FAT4: variants seen among roughly 807,000 people sequenced by gnomAD.
FAT4 encodes FAT atypical cadherin 4.
FAT4 carries 84 observed loss-of-function variants against 303.9 expected under a neutral mutation model. The observed-to-expected ratio is 0.28, with a 90% CI of 0.23 to 0.33. FAT4 has a LOEUF of 0.33. FAT4 is among the 10% of genes least tolerant of loss of function. The probability of loss-of-function intolerance (pLI) is 1.00; values close to 1 mark genes in which losing one functional copy is unlikely to be tolerated. For synonymous variants in FAT4, 2,307 were observed against 2,298.8 expected (o/e 1.00, Z -0.10); for missense variants, 6,005 against 6,146.8 (o/e 0.98, Z 0.77).
At chr4:125,413,357 T>A (rs1237599338) in intron 5 of FAT4, among the ~76,000 whole-genome samples, 1 of 151,860 alleles carries the variant, frequency 6.6e-6, no homozygotes, top group Non-Finnish European at 1.5e-5. Context: ...GACTCCTAAG[T>A]ATTCTGAACT....
chr4:125,449,226 C>T lies in FAT4; in HGVS notation c.8216C>T (p.Ser2739Phe). The T allele has an allele frequency of 6.2e-7, 1 of 1,613,892 alleles. No individual in the cohort carries two copies. The highest frequency in any genetic ancestry group is 8.5e-7 in the Non-Finnish European group (1 of 1,179,878). ...SVRPLDREKVSHYVLTIKSSD... is the reference protein window; with the variant it reads ...SVRPLDREKVFHYVLTIKSSD... The stretch of plus-strand genomic sequence containing the variant: ...AGACCTTTGGACAGGGAAAAAGTAT[C>T]TCATTATGTCCTAACCATAAAATCA... The change falls in exon 10 of 18, where the codon TCT becomes TTT. Residue 2739 changes from serine (S) to phenylalanine (F), a missense_variant. Physicochemically the swap from Ser to Phe is radical, Grantham distance 155. Coordinates refer to ENST00000394329, the MANE Select transcript of FAT4 (RefSeq NM_001291303.3).
intron 2 of FAT4, among the ~76,000 whole-genome samples, chr4:125,324,109 G>T (rs532010240): frequency 1.3e-5 from 2 of 152,232 alleles, no homozygotes; most frequent in South Asian, 4.1e-4. Context: ...GTCATTGAAA[G>T]ATTGTGTTTG....
At chr4:125,443,034 T>C (rs980393528) in intron 8 of FAT4, among the ~76,000 whole-genome samples, 1 of 152,132 alleles carries the variant, frequency 6.6e-6, no homozygotes, top group Non-Finnish European at 1.5e-5. Context: ...TAAGTGCTAT[T>C]CATGGGGTTT....
Position 125,319,044 on chromosome 4 carries a change from T to C in FAT4, c.2633T>C (p.Met878Thr). The C allele has an allele frequency of 6.2e-7, 1 of 1,614,152 alleles. No individual in the cohort carries two copies. The highest frequency in any genetic ancestry group is 2.2e-5 in the East Asian group (1 of 44,870). The part of the protein sequence containing the change: ...ASGGTVTGDT[M>T]VNITVKDLND... ...GGGGGCACAGTGACTGGAGACACTA[T>C]GGTTAACATAACAGTTAAGGATTTG... Residue 878 changes from methionine (M) to threonine (T), a missense_variant, in exon 2 of 18, where the codon ATG (methionine) becomes ACG (threonine). Met to Thr is a moderately conservative substitution (Grantham distance 81). Coordinates refer to ENST00000394329, the MANE Select transcript of FAT4 (RefSeq NM_001291303.3).
At position 125,452,378 on chromosome 4, in the gene FAT4, G is replaced by A. The variant is rs776516773; in HGVS notation, c.11368G>A (p.Glu3790Lys). Residue 3790 changes from glutamate to lysine, a missense_variant, in exon 10 of 18, where the codon GAG (glutamate) becomes AAG (lysine). Coordinates refer to ENST00000394329, the MANE Select transcript of FAT4 (RefSeq NM_001291303.3). ...AGCCACCTTCTTTGAAAGCATCAAAGAGATCCTTCTCCGGCAGAGTGGAGT... is the reference window on the plus strand; with the variant it reads ...AGCCACCTTCTTTGAAAGCATCAAAAAGATCCTTCTCCGGCAGAGTGGAGT... ...GVATFFESIK[E>K]ILLRQSGVKV... The A allele has an allele frequency of 6.8e-6, 11 of 1,614,098 alleles. No homozygotes were observed. In the Admixed American group the frequency reaches 1.8e-4, roughly 27 times the overall value.
At chr4:125,347,553 A>G (rs956909339) in intron 2 of FAT4, among the ~76,000 whole-genome samples, 2 of 151,356 alleles carry the variant, frequency 1.3e-5, no homozygotes, top group African/African-American at 4.8e-5. Flanking sequence ...TTGAATATAT[A>G]TTTGATATAT....
At chr4:125,465,081 G>A (rs1364820254) in intron 11 of FAT4, among the ~76,000 whole-genome samples, 7 of 152,124 alleles carry the variant, frequency 4.6e-5, no homozygotes, top group African/African-American at 1.7e-4. Context: ...ATCTAATTTT[G>A]AGGAATGTAT....
chr4:125,375,982 G>A (rs2710580), intron 2 of FAT4, among the ~76,000 whole-genome samples: 7,351 of 152,230 alleles, frequency 0.048, 565 homozygotes, highest in African/African-American at 0.16. Context: ...GACTAATAGC[G>A]TCAAGACTAG....
intron 6 of FAT4, among the ~76,000 whole-genome samples, chr4:125,416,063 G>GT (rs1383469283): frequency 6.6e-6 from 1 of 152,132 alleles, no homozygotes; most frequent in African/African-American, 2.4e-5. Flanking sequence ...ACACATTTAT[G>GT]TATTTGTGTT....
chr4:125,337,169 C>T (rs139151426), intron 2 of FAT4, among the ~76,000 whole-genome samples: 3 of 151,894 alleles, frequency 2.0e-5, no homozygotes, highest in Non-Finnish European at 2.9e-5. Flanking sequence ...AATATAAATA[C>T]GAAGTATTTG....
chr4:125,343,782 G>A (rs191228317), intron 2 of FAT4, among the ~76,000 whole-genome samples: 3 of 152,180 alleles, frequency 2.0e-5, no homozygotes, highest in Admixed American at 6.5e-5. Flanking sequence ...AGGTTGATTC[G>A]AAAGGGCTTT....
At chr4:125,471,044 T>C (rs960105485) in intron 12 of FAT4, among the ~76,000 whole-genome samples, 2 of 152,200 alleles carry the variant, frequency 1.3e-5, no homozygotes, top group Non-Finnish European at 2.9e-5. Context: ...ATTTCAGTAG[T>C]GTTTTATCTC....
intron 2 of FAT4, among the ~76,000 whole-genome samples, chr4:125,358,447 A>C (rs1732521510): frequency 6.6e-6 from 1 of 152,102 alleles, no homozygotes; most frequent in Admixed American, 6.6e-5. Context: ...TTTTCCTGCA[A>C]CTAGATGTTC....
rs374663857 is a variant in FAT4, at chr4:125,449,348, A to G, written c.8338A>G (p.Ser2780Gly). 5 of 1,613,774 alleles carry G rather than the reference A, an allele frequency of 3.1e-6. No individual in the cohort carries two copies. In the African/African-American group the frequency reaches 4.0e-5, roughly 13 times the overall value. ...TGCCCCTAGGTTTTCTCAGATATTT[A>G]GTGCCCATGTTCCTGAAAATTCCCC... is the stretch of plus-strand genomic sequence containing the variant. ...DNAPRFSQIFSAHVPENSPLG... is the reference protein window; with the variant it reads ...DNAPRFSQIFGAHVPENSPLG... The change falls in exon 10 of 18, where the codon AGT becomes GGT. Residue 2780 changes from serine (S) to glycine (G), a missense_variant. Coordinates refer to ENST00000394329, the MANE Select transcript of FAT4 (RefSeq NM_001291303.3).
chr4:125,379,329 A>G, intron 2 of FAT4, among the ~76,000 whole-genome samples: 1 of 151,756 alleles, frequency 6.6e-6, no homozygotes, highest in East Asian at 1.9e-4. Context: ...CTATTGACTA[A>G]CTGGGAACTC....
chr4:125,448,759 A>G lies in FAT4; in HGVS notation c.7749A>G (p.Pro2583=), dbSNP rs1725920594. The G allele has an allele frequency of 6.2e-7, 1 of 1,612,824 alleles. No individual in the cohort carries two copies. The highest frequency in any genetic ancestry group is 8.5e-7 in the Non-Finnish European group (1 of 1,179,906). Residue 2583 remains proline (P), a synonymous_variant, in exon 10 of 18, where the codon CCA becomes CCG. Coordinates refer to ENST00000394329, the MANE Select transcript of FAT4 (RefSeq NM_001291303.3). The part of the protein sequence containing the change: ...EQTFMFPENQ[P]VSSLVTTITG... ...CGTTCATGTTTCCTGAAAACCAACC[A>G]GTCAGCTCTCTTGTCACCACCATCA...
intron 11 of FAT4, among the ~76,000 whole-genome samples, chr4:125,465,768 C>G (rs1726639791): frequency 6.6e-6 from 1 of 152,136 alleles, no homozygotes; most frequent in African/African-American, 2.4e-5. Context: ...TCCCCCTATT[C>G]CTTCCAGGGG....
rs553926746 is a variant in FAT4, at chr4:125,441,033, A to C, written c.7200-5260A>C. Among the ~76,000 whole-genome samples, 143 of 151,622 alleles carry C rather than the reference A, an allele frequency of 9.4e-4. 1 individual carries two copies. The highest frequency in any genetic ancestry group is 3.4e-3 in the African/African-American group (141 of 41,494). ...CAGTTCATAATTACATCATGCCTGT[A>C]CTATTATAATAAGAATTAACTCACT... is the stretch of plus-strand genomic sequence containing the variant. On this transcript the variant is annotated intron_variant, in intron 8 of 17. Transcript: ENST00000394329.
intron 2 of FAT4, among the ~76,000 whole-genome samples, chr4:125,347,052 G>A (rs1365311783): frequency 6.6e-6 from 1 of 151,930 alleles, no homozygotes; most frequent in Admixed American, 6.6e-5. Context: ...AAGAAATCAG[G>A]TGAGAGCTAT....
Sources: allele counts gnomAD v4.1 joint callset (sites outside exome capture counted in the v4.1 genomes callset), GRCh38; gene constraint gnomAD v4.1.1; transcripts MANE v1.5; gene names NCBI Gene and HGNC (gene_info 2026-07-23, HGNC 2026-07-21).